Variants in NRP2 observed in about 807,000 individuals in gnomAD.
NRP2 encodes neuropilin-2.
A neutral mutation model predicts 110.4 loss-of-function variants in NRP2; 52 were observed. The ratio of observed to expected loss-of-function variants is 0.47; its 90% CI spans 0.38 to 0.59. NRP2 has a LOEUF of 0.59. Ranked by LOEUF, NRP2 falls within the 20% of genes least tolerant of loss-of-function variation. The pLI, the probability that NRP2 is intolerant of heterozygous loss-of-function variation, is 0.00. For synonymous variants in NRP2, 508 were observed against 468.9 expected (o/e 1.08, Z -1.08); for missense variants, 1,049 against 1,203.0 (o/e 0.87, Z 1.89).
intron 6 of NRP2, 130 bp downstream of exon 6, chr2:205,726,212 C>T: frequency 1.1e-6 from 1 of 951,148 alleles, no homozygotes; most frequent in South Asian, 1.4e-5. Context: ...TCCATTCATT[C>T]ATTCATCCAA....
chr2:205,687,523 G>A (rs1409634435), intron 1 of NRP2, among the ~76,000 whole-genome samples: 2 of 152,318 alleles, frequency 1.3e-5, no homozygotes, highest in East Asian at 1.9e-4. Context: ...GTGGCAAGAG[G>A]AGCACTCCCC....
intron 15 of NRP2, among the ~76,000 whole-genome samples, chr2:205,788,661 C>T (rs2058263429): frequency 1.3e-5 from 2 of 152,214 alleles, no homozygotes; most frequent in Non-Finnish European, 1.5e-5. Flanking sequence ...TACACTCCCA[C>T]ATTTTCCTTC....
intron 11 of NRP2, among the ~76,000 whole-genome samples, chr2:205,751,615 T>A (rs2057647157): frequency 6.6e-6 from 1 of 152,110 alleles, no homozygotes. Context: ...GGGAAGGCAT[T>A]TACAGGGCCT....
intron 10 of NRP2, among the ~76,000 whole-genome samples, chr2:205,746,218 T>C: frequency 6.6e-6 from 1 of 152,166 alleles, no homozygotes; most frequent in East Asian, 1.9e-4. Flanking sequence ...GCTGTTGATT[T>C]AGGGAAGAAA....
chr2:205,741,563 T>C (rs1053754709), intron 8 of NRP2, among the ~76,000 whole-genome samples: 1 of 152,140 alleles, frequency 6.6e-6, no homozygotes, highest in African/African-American at 2.4e-5. Flanking sequence ...AGATGGGAGA[T>C]GATGATGGCT....
intron 3 of NRP2, among the ~76,000 whole-genome samples, chr2:205,717,812 G>C (rs2056930646): frequency 6.6e-6 from 1 of 152,218 alleles, no homozygotes; most frequent in South Asian, 2.1e-4. Context: ...GAATAAAAGA[G>C]AAAGAAATAA....
Position 205,720,112 on chromosome 2 carries a change from C to T in NRP2, c.434-2366C>T, listed in dbSNP as rs557940007. Reference sequence around the variant, plus strand: ...TGATGCTGCAAACAGTGAGATGGTACGATTAGAGATGAATGCATGATGTTA... The same window carrying T: ...TGATGCTGCAAACAGTGAGATGGTATGATTAGAGATGAATGCATGATGTTA... On this transcript the variant is annotated intron_variant, in intron 3 of 16. Transcript: ENST00000357785. Among the ~76,000 whole-genome samples the T allele has an allele frequency of 3.9e-5, 6 of 152,150 alleles. No homozygotes were observed. The South Asian group carries it at 8.3e-4, about 21-fold the overall frequency.
rs2057421548 is a variant in NRP2, at chr2:205,740,548, G to A, written c.1176G>A (p.Glu392=). ...TTCAAGCCAACAACGATGCAACTGA[G>A]GTGGTTCTGAACAAGCTCCACGCTC... ...KVFQANNDAT[E]VVLNKLHAPL... is the part of the protein sequence containing the mutation. Residue 392 remains glutamate (E), a synonymous_variant, in exon 8 of 17, where the codon GAG becomes GAA. Transcript: ENST00000357785. The A allele has an allele frequency of 1.2e-6, 2 of 1,614,218 alleles. No homozygotes were observed. Among genetic ancestry groups the A allele is most frequent in the Admixed American group, 1.7e-5 (1 of 60,034 alleles).
At chr2:205,764,071 C>T (rs1413376499) in intron 13 of NRP2, 135 bp downstream of exon 13, 1 of 1,127,590 alleles carries the variant, frequency 8.9e-7, no homozygotes, top group African/African-American at 1.5e-5. Flanking sequence ...AACTGAATGA[C>T]ACTCTTATTT....
intron 6 of NRP2, 147 bp from the exon 7 acceptor site, chr2:205,727,744 G>A (rs2057154276): frequency 1.3e-6 from 1 of 742,892 alleles, no homozygotes; most frequent in African/African-American, 1.8e-5. Context: ...CAATGGAATT[G>A]CAAACTGATA....
At chr2:205,720,700 G>A (rs1323426303) in intron 3 of NRP2, among the ~76,000 whole-genome samples, 2 of 152,140 alleles carry the variant, frequency 1.3e-5, no homozygotes, top group East Asian at 1.9e-4. Flanking sequence ...CTGAAGACCC[G>A]CCAGCTGGCT....
intron 2 of NRP2, among the ~76,000 whole-genome samples, chr2:205,705,654 T>G (rs1282020545): frequency 1.3e-5 from 2 of 152,168 alleles, no homozygotes; most frequent in South Asian, 2.1e-4. Flanking sequence ...CTAAGTTTTC[T>G]ATGTTTAACC....
At chr2:205,766,645 G>A (rs180687388) in intron 14 of NRP2, 138 bp from the exon 15 acceptor site, 1 of 750,334 alleles carries the variant, frequency 1.3e-6, no homozygotes, top group East Asian at 2.6e-5. Flanking sequence ...TGGAAGATGG[G>A]GGGCCCTCTC....
At chr2:205,683,555 A>AGTGTGTGTGT (rs60199072) in intron 1 of NRP2, among the ~76,000 whole-genome samples, 192 bp downstream of exon 1, 1 of 150,022 alleles carries the variant, frequency 6.7e-6, no homozygotes, top group Non-Finnish European at 1.5e-5. Context: ...TCCTGCTAGG[A>AGTGTGTGTGT]GTGTGTGTGT....
chr2:205,787,249 C>T (rs2058245581), intron 15 of NRP2, among the ~76,000 whole-genome samples: 1 of 152,148 alleles, frequency 6.6e-6, no homozygotes, highest in Admixed American at 6.5e-5. Flanking sequence ...CCCTCCACAT[C>T]CCACGCCGCT....
intron 2 of NRP2, among the ~76,000 whole-genome samples, chr2:205,706,767 T>C (rs1269435445): frequency 6.6e-6 from 1 of 152,106 alleles, no homozygotes; most frequent in Non-Finnish European, 1.5e-5. Context: ...GGTACTGAGT[T>C]ATCTTCTTGG....
intron 9 of NRP2, among the ~76,000 whole-genome samples, chr2:205,745,362 C>G (rs1023895200): frequency 6.6e-6 from 1 of 152,100 alleles, no homozygotes; most frequent in African/African-American, 2.4e-5. Context: ...CCCTGTAGAC[C>G]AGGAATTCAG....
At chr2:205,786,005 T>C (rs1367251912) in intron 15 of NRP2, among the ~76,000 whole-genome samples, 3 of 152,312 alleles carry the variant, frequency 2.0e-5, no homozygotes, top group South Asian at 2.1e-4. Context: ...AAGCCTGTGA[T>C]AAAGGCTCTT....
chr2:205,696,460 TC>T (rs2056429184), intron 1 of NRP2, among the ~76,000 whole-genome samples: 1 of 152,222 alleles, frequency 6.6e-6, no homozygotes, highest in Non-Finnish European at 1.5e-5. Flanking sequence ...TCTGAATATT[TC>T]CATGTCTCAT....
Sources: gnomAD v4.1 joint callset for allele counts (sites outside exome capture counted in the v4.1 genomes callset) on GRCh38, gnomAD v4.1.1 for gene constraint, MANE v1.5 for transcripts, NCBI Gene and HGNC (gene_info 2026-07-23, HGNC 2026-07-21) for gene names.